Variants in SIPA1L2 observed in about 807,000 individuals in gnomAD.
SIPA1L2 encodes signal induced proliferation associated 1 like 2, also known as signal-induced proliferation-associated 1-like protein 2.
In SIPA1L2, 56 loss-of-function variants were observed where a neutral mutation model predicts 163.9. That is an observed-to-expected ratio of 0.34 (90% confidence interval 0.28 to 0.43). The LOEUF (loss-of-function observed/expected upper bound fraction) is 0.43, where lower values mean the gene tolerates loss of function less well. Among genes scored for constraint, SIPA1L2 ranks in the 20% least tolerant of loss-of-function variants. The pLI is 1.00. For missense variants in SIPA1L2, 1,974 were observed against 2,193.5 expected (o/e 0.90, Z 2.00); for synonymous variants, 877 against 865.7 (o/e 1.01, Z -0.23).
At chr1:232,520,983 T>C (rs945895561) in intron 2 of SIPA1L2, among the ~76,000 whole-genome samples, 3 of 152,204 alleles carry the variant, frequency 2.0e-5, no homozygotes, top group East Asian at 1.9e-4. Context: ...ATTTGATAAG[T>C]AGCTACTATT....
At chr1:232,540,487 C>T (rs1024977692) in intron 2 of SIPA1L2, among the ~76,000 whole-genome samples, 3 of 152,118 alleles carry the variant, frequency 2.0e-5, no homozygotes, top group Admixed American at 1.3e-4. Flanking sequence ...CATTGCCCAT[C>T]CCCTCTGAAT....
chr1:232,564,066 C>G (rs901555747), intron 2 of SIPA1L2, among the ~76,000 whole-genome samples: 5 of 129,170 alleles, frequency 3.9e-5, no homozygotes, highest in Non-Finnish European at 7.6e-5. Context: ...CAACTTCTTA[C>G]AGGCATCAGC....
intron 2 of SIPA1L2, among the ~76,000 whole-genome samples, chr1:232,523,607 A>T (rs1175057293): frequency 1.3e-5 from 2 of 152,234 alleles, no homozygotes; most frequent in Non-Finnish European, 1.5e-5. Context: ...GTTTAGTGAC[A>T]GTGGGTAGCA....
chr1:232,479,650 A>G lies in SIPA1L2; in HGVS notation c.2062T>C (p.Tyr688His). The G allele has an allele frequency of 6.2e-7, 1 of 1,613,706 alleles. No individual in the cohort carries two copies. The highest frequency in any genetic ancestry group is 8.5e-7 in the Non-Finnish European group (1 of 1,179,700). ...LMFHVSTLLPYMPNNRQQLLR... is the reference protein window; with the variant it reads ...LMFHVSTLLPHMPNNRQQLLR... ...ACCTGTTGTCTGTTGTTGGGCATGT[A>G]GGGAAGCAGGGTTGACACGTGGAAC... Residue 688 changes from tyrosine (Y) to histidine (H), a missense_variant, in exon 7 of 23, where the codon TAC becomes CAC. Coordinates refer to ENST00000674635, the MANE Select transcript of SIPA1L2 (RefSeq NM_020808.5).
intron 2 of SIPA1L2, among the ~76,000 whole-genome samples, chr1:232,546,017 T>C (rs1009378874): frequency 1.3e-5 from 2 of 152,218 alleles, no homozygotes; most frequent in Admixed American, 6.5e-5. Flanking sequence ...TCAGCAACCA[T>C]GTTGTCATTA....
intron 2 of SIPA1L2, among the ~76,000 whole-genome samples, chr1:232,523,702 C>T (rs1259644729): frequency 2.0e-5 from 3 of 152,094 alleles, no homozygotes; most frequent in Non-Finnish European, 4.4e-5. Flanking sequence ...ACATTCTGTT[C>T]TCACTAATAT....
intron 17 of SIPA1L2, among the ~76,000 whole-genome samples, chr1:232,428,026 T>C (rs975459087): frequency 1.6e-4 from 25 of 152,224 alleles, no homozygotes; most frequent in Non-Finnish European, 1.5e-5. Flanking sequence ...TCTTCAGACA[T>C]CACTTCTTAT....
chr1:232,594,207 A>G (rs1353714800), intron 1 of SIPA1L2, among the ~76,000 whole-genome samples: 1 of 152,188 alleles, frequency 6.6e-6, no homozygotes, highest in East Asian at 1.9e-4. Flanking sequence ...ATTCCATGGA[A>G]CTGATAACAT....
At chr1:232,622,290 T>C (rs1283463394) in intron 1 of SIPA1L2, among the ~76,000 whole-genome samples, 12 of 152,366 alleles carry the variant, frequency 7.9e-5, no homozygotes, top group Middle Eastern at 3.4e-3. Context: ...AGACTATGGC[T>C]ACTGAGCACC....
At chr1:232,496,417 C>T (rs2103006807) in intron 3 of SIPA1L2, among the ~76,000 whole-genome samples, 1 of 152,288 alleles carries the variant, frequency 6.6e-6, no homozygotes, top group East Asian at 1.9e-4. Flanking sequence ...TTTCTCAGAA[C>T]ATATCTCTGT....
At chr1:232,559,529 C>A (rs61825384) in intron 2 of SIPA1L2, among the ~76,000 whole-genome samples, 1 of 152,008 alleles carries the variant, frequency 6.6e-6, no homozygotes, top group East Asian at 1.9e-4. Flanking sequence ...TTATAAAGAC[C>A]ATGAAATAAT....
At chr1:232,536,939 C>T (rs773627623) in intron 2 of SIPA1L2, among the ~76,000 whole-genome samples, 10 of 152,126 alleles carry the variant, frequency 6.6e-5, no homozygotes. Flanking sequence ...CACATCATGT[C>T]GTAATTACAT....
chr1:232,439,546 G>A (rs1662766750), intron 14 of SIPA1L2, 50 bp from the exon 15 acceptor site: 1 of 1,564,718 alleles, frequency 6.4e-7, no homozygotes, highest in Non-Finnish European at 8.7e-7. Context: ...TTGAACTCAG[G>A]TGCTTCTCAC....
At chr1:232,406,333 T>C (rs1309477983) in intron 19 of SIPA1L2, among the ~76,000 whole-genome samples, 2 of 152,250 alleles carry the variant, frequency 1.3e-5, no homozygotes, top group African/African-American at 4.8e-5. Flanking sequence ...CCTTCGGTTT[T>C]CTTTCCTGTG....
At chr1:232,414,733 TGAA>T (rs1257506961) in intron 19 of SIPA1L2, among the ~76,000 whole-genome samples, 2 of 152,124 alleles carry the variant, frequency 1.3e-5, no homozygotes, top group African/African-American at 4.8e-5. Context: ...AAAAACTCAC[TGAA>T]GAATGCAGCG....
chr1:232,590,797 G>A (rs6698696), intron 1 of SIPA1L2, among the ~76,000 whole-genome samples: 41,845 of 152,082 alleles, frequency 0.28, 5,951 homozygotes, highest in African/African-American at 0.33. Flanking sequence ...CAGTCATATC[G>A]AACAGTGAAT....
At chr1:232,422,982 C>T (rs944580324) in intron 18 of SIPA1L2, among the ~76,000 whole-genome samples, 5 of 152,112 alleles carry the variant, frequency 3.3e-5, no homozygotes, top group Admixed American at 1.3e-4. Context: ...GATACATACT[C>T]GGTAGAAATC....
At chr1:232,538,679 TG>T (rs1284878216) in intron 2 of SIPA1L2, among the ~76,000 whole-genome samples, 1 of 149,544 alleles carries the variant, frequency 6.7e-6, no homozygotes, top group African/African-American at 2.5e-5. Flanking sequence ...CTTAGTGTTT[TG>T]TGACCCCCCC....
In SIPA1L2 at chr1:232,440,759, C is replaced by G. The variant is rs78905101; in HGVS notation, c.3642+532G>C. ...TCAATGGAAGTTTTGTTTCACTGGGCTACAGTCTCCCTCGAGGCTCACCTC... is the reference window on the plus strand; with the variant it reads ...TCAATGGAAGTTTTGTTTCACTGGGGTACAGTCTCCCTCGAGGCTCACCTC... On this transcript the variant is annotated intron_variant, in intron 14 of 22. Transcript: ENST00000674635. Among the ~76,000 whole-genome samples the G allele has an allele frequency of 3.9e-4, 59 of 152,340 alleles. No homozygotes were observed. In the East Asian group the frequency reaches 0.011, roughly 28 times the overall value.
Sources: allele counts gnomAD v4.1 joint callset (sites outside exome capture counted in the v4.1 genomes callset), GRCh38; gene constraint gnomAD v4.1.1; transcripts MANE v1.5; gene names NCBI Gene and HGNC (gene_info 2026-07-23, HGNC 2026-07-21).